Variants in GIMAP8 observed in about 807,000 individuals in gnomAD.
GIMAP8 encodes the protein GTPase, IMAP family member 8, also known as GTPase IMAP family member 8.
Under a neutral mutation model 35.6 loss-of-function variants are expected in GIMAP8, and 29 were observed. That is an observed-to-expected ratio of 0.81 (90% CI 0.61 to 1.11). The LOEUF (loss-of-function observed/expected upper bound fraction) is 1.11. GIMAP8 is among the 50% of genes most tolerant of loss of function. GIMAP8 has a pLI of 0.00. For missense variants in GIMAP8, 811 were observed against 805.0 expected, an observed-to-expected ratio of 1.01 and a Z score of -0.09; for synonymous variants, 335 against 308.7, an observed-to-expected ratio of 1.09 and a Z score of -0.89.
At chr7:150,463,297 G>A (rs940248748) in intron 1 of GIMAP8, among the ~76,000 whole-genome samples, 1 of 151,808 alleles carries the variant, frequency 6.6e-6, no homozygotes, top group Admixed American at 6.6e-5. Context: ...TATTGTTGAT[G>A]TTCCTTAAGA....
rs952827 is a variant in GIMAP8, at chr7:150,479,019, C to G, written c.*1239C>G. The G allele has an allele frequency of 0.13, 20,250 of 152,158 alleles. 2,372 individuals carry two copies. The highest frequency in any genetic ancestry group is 0.32 in the African/African-American group (13,071 of 41,448). 9.4% of individuals were successfully genotyped at this position (152,158 alleles called of 1,614,324 possible). On this transcript the variant is annotated 3_prime_UTR_variant, in exon 5 of 5. Coordinates refer to ENST00000307271, the MANE Select transcript of GIMAP8 (RefSeq NM_175571.4). ...TTTTCCCCTAGACAATATCAGGTTA[C>G]CGTCAACATTAATCCATTTAAAAGG...
At chr7:150,461,312 T>G (rs768888205) in intron 1 of GIMAP8, among the ~76,000 whole-genome samples, 1 of 152,228 alleles carries the variant, frequency 6.6e-6, no homozygotes, top group African/African-American at 2.4e-5. Flanking sequence ...ATGTGTCCAA[T>G]GTTGAAACTG....
intron 1 of GIMAP8, among the ~76,000 whole-genome samples, chr7:150,465,751 G>A (rs772786979): frequency 2.0e-5 from 3 of 152,296 alleles, no homozygotes; most frequent in South Asian, 2.1e-4. Flanking sequence ...TGACTTGCCT[G>A]GCAGGTGGAA....
chr7:150,466,010 G>C (rs1563283279), intron 1 of GIMAP8, among the ~76,000 whole-genome samples: 1 of 152,166 alleles, frequency 6.6e-6, no homozygotes, highest in Non-Finnish European at 1.5e-5. Flanking sequence ...AGGTGAACCA[G>C]GTCAGAGTCC....
intron 1 of GIMAP8, among the ~76,000 whole-genome samples, chr7:150,456,145 G>C (rs996687042): frequency 6.6e-6 from 1 of 152,118 alleles, no homozygotes; most frequent in Non-Finnish European, 1.5e-5. Context: ...GTAGAGCTGG[G>C]TCACATAGAC....
At chr7:150,470,776 T>TTTTG in intron 2 of GIMAP8, 53 bp from the exon 3 acceptor site, 3 of 622,688 alleles carry the variant, frequency 4.8e-6, no homozygotes, top group Non-Finnish European at 5.5e-6. Flanking sequence ...TTTCAGTTTG[T>TTTTG]GGAAGATGAG....
intron 1 of GIMAP8, among the ~76,000 whole-genome samples, chr7:150,458,039 AC>A (rs1365848679): frequency 6.6e-6 from 1 of 151,928 alleles, no homozygotes; most frequent in Non-Finnish European, 1.5e-5. Context: ...TCACCTCCTC[AC>A]CACTTCTGTC....
chr7:150,475,320 G>A (rs973105899), intron 4 of GIMAP8, among the ~76,000 whole-genome samples: 1 of 152,162 alleles, frequency 6.6e-6, no homozygotes, highest in African/African-American at 2.4e-5. Context: ...GAAAAATAAA[G>A]GAAGGATAGG....
intron 1 of GIMAP8, among the ~76,000 whole-genome samples, chr7:150,458,468 G>A (rs144751655): frequency 6.6e-6 from 1 of 152,264 alleles, no homozygotes; most frequent in East Asian, 1.9e-4. Context: ...TGATTTTAAT[G>A]TAAATCTTAT....
chr7:150,472,273 G>T lies in GIMAP8; in HGVS notation c.682+1399G>T, dbSNP rs1040457592. Reference sequence around the variant, plus strand: ...TGGGACTTTGCTCCAGGATGGATGCGCTTAGGAAGTGGGGGGTAGTTCCAC... The same window carrying T: ...TGGGACTTTGCTCCAGGATGGATGCTCTTAGGAAGTGGGGGGTAGTTCCAC... On this transcript the variant is annotated intron_variant, in intron 3 of 4. Coordinates refer to ENST00000307271, the MANE Select transcript of GIMAP8 (RefSeq NM_175571.4). The surrounding 1 kb of genome is among the most constrained non-coding windows in gnomAD (Gnocchi z 4.1). Among the ~76,000 whole-genome samples the T allele has an allele frequency of 1.3e-5, 2 of 152,190 alleles. No individual in the cohort carries two copies. Among genetic ancestry groups the T allele is most frequent in the Admixed American group, 1.3e-4 (2 of 15,282 alleles).
In GIMAP8 at chr7:150,477,769, A is replaced by C; in HGVS notation, c.1987A>C (p.Ile663Leu). Reference protein sequence around the residue: ...AEKLLKNLIGILQ With the variant: ...AEKLLKNLIGLLQ ...AAAACTCCTTAAAAATTTAATAGGT[A>C]TTTTACAATAGGTAGCCGAAGTGCC... Residue 663 changes from isoleucine (I) to leucine (L), a missense_variant, in exon 5 of 5, where the codon ATT becomes CTT. Coordinates refer to ENST00000307271, the MANE Select transcript of GIMAP8 (RefSeq NM_175571.4). 2 of 1,612,064 alleles carry C rather than the reference A, an allele frequency of 1.2e-6. No homozygotes were observed. The highest frequency in any genetic ancestry group is 1.7e-6 in the Non-Finnish European group (2 of 1,179,206).
At chr7:150,454,462 GC>G (rs1273920334) in intron 1 of GIMAP8, among the ~76,000 whole-genome samples, 1 of 152,198 alleles carries the variant, frequency 6.6e-6, no homozygotes, top group Admixed American at 6.5e-5. Context: ...TTGACATGGA[GC>G]CTCAGAGTCC....
chr7:150,450,639 C>G lies in GIMAP8; in HGVS notation c.-565C>G, dbSNP rs969589603. 6.6e-6 allele frequency: 1 copy of G among 152,218 alleles called. No homozygotes were observed. Among genetic ancestry groups the G allele is most frequent in the Non-Finnish European group, 1.5e-5 (1 of 68,058 alleles). The allele number at this position is 152,218 out of a possible 1,614,324, so 9.4% of individuals were successfully genotyped here. A position where few individuals can be genotyped will look rare whatever the true frequency, so the allele number is the denominator to read the frequency against. ...ACAGAGGCCCGGAGCTGGCTTTGCTCAGAGCTTGTAGCGGCGCCACAATCT... is the reference window on the plus strand; with the variant it reads ...ACAGAGGCCCGGAGCTGGCTTTGCTGAGAGCTTGTAGCGGCGCCACAATCT... On this transcript the variant is annotated 5_prime_UTR_variant, in exon 1 of 5. Transcript: ENST00000307271. This position sits in a 1 kb window ranked among gnomAD's most constrained non-coding sequence, Gnocchi z 4.4.
Position 150,478,338 on chromosome 7 carries a change from G to A in GIMAP8, c.*558G>A, listed in dbSNP as rs1332595067. On this transcript the variant is annotated 3_prime_UTR_variant, in exon 5 of 5. Coordinates refer to ENST00000307271, the MANE Select transcript of GIMAP8 (RefSeq NM_175571.4). ...AGAGTGTTCTTTTCTTCACACGTTA[G>A]CCATTCCTTACGGCTCTTCACGTTC... 6.5e-6 allele frequency: 1 copy of A among 154,344 alleles called. No homozygotes were observed. The highest frequency in any genetic ancestry group is 1.4e-5 in the Non-Finnish European group (1 of 69,490). 9.6% of individuals were successfully genotyped at this position (154,344 alleles called of 1,614,324 possible).
rs142709938 is a variant in GIMAP8 at position 150,459,478 on chromosome 7, A to G, written c.-28-7193A>G. 3.0e-3 allele frequency among the ~76,000 whole-genome samples: 457 copies of G among 152,328 alleles called. 3 individuals are homozygous for G. The highest frequency in any genetic ancestry group is 0.01 in the African/African-American group (426 of 41,570). On this transcript the variant is annotated intron_variant, in intron 1 of 4. Transcript: ENST00000307271. ...TTGCTAGTGGGTCACTAGGAGTAAT[A>G]GTGAGTGGTACCACTCCTGTTTCTA...
chr7:150,456,511 C>A (rs1251559567), intron 1 of GIMAP8, among the ~76,000 whole-genome samples: 2 of 152,202 alleles, frequency 1.3e-5, no homozygotes, highest in Non-Finnish European at 2.9e-5. Flanking sequence ...TTTCCTGCAT[C>A]CCTGTTATAA....
Position 150,477,471 on chromosome 7 carries a change from G to C in GIMAP8, c.1689G>C (p.Leu563=). The C allele has an allele frequency of 6.2e-7, 1 of 1,614,136 alleles. No individual in the cohort carries two copies. Among genetic ancestry groups the C allele is most frequent in the Non-Finnish European group, 8.5e-7 (1 of 1,179,968 alleles). The change falls in exon 5 of 5, where the codon CTG becomes CTC. Residue 563 remains leucine, a synonymous_variant. Transcript: ENST00000307271. ...ACTTTACGAAATACGCGATTATGCT[G>C]TTCACCCGGAAGGAAGACCTAGGGG... ...GADFTKYAIM[L]FTRKEDLGAG...
chr7:150,456,725 C>T (rs7810209), intron 1 of GIMAP8, among the ~76,000 whole-genome samples: 77,816 of 152,002 alleles, frequency 0.51, 20,241 homozygotes, highest in Non-Finnish European at 0.58. Context: ...TTATAGTGGG[C>T]GATGTGTAAA....
At chr7:150,453,310 CGGTTCTGA>C (rs1274997086) in intron 1 of GIMAP8, among the ~76,000 whole-genome samples, 1 of 152,170 alleles carries the variant, frequency 6.6e-6, no homozygotes, top group Non-Finnish European at 1.5e-5. Flanking sequence ...CCTGGTGGAC[CGGTTCTGA>C]GGTTCTGAGG....
Sources: allele counts gnomAD v4.1 joint callset (sites outside exome capture counted in the v4.1 genomes callset), GRCh38; gene constraint gnomAD v4.1.1; non-coding constraint Gnocchi (gnomAD v3.1); transcripts MANE v1.5; gene names NCBI Gene and HGNC (gene_info 2026-07-23, HGNC 2026-07-21).